The following SLC24A2 variants were observed in gnomAD, a reference collection of about 807,000 sequenced individuals.
SLC24A2 encodes the protein sodium/potassium/calcium exchanger 2.
SLC24A2 carries 36 observed loss-of-function variants against 62.0 expected under a neutral mutation model. The ratio of observed to expected loss-of-function variants is 0.58; its 90% confidence interval spans 0.44 to 0.77. The LOEUF is 0.77. SLC24A2 is among the 30% of genes least tolerant of loss of function. The probability of loss-of-function intolerance (pLI) is 0.00; values close to 1 mark genes in which losing one functional copy is unlikely to be tolerated. For synonymous variants in SLC24A2, 358 were observed against 294.0 expected, an observed-to-expected ratio of 1.22 and a Z score of -2.23; for missense variants, 846 against 817.9, an observed-to-expected ratio of 1.03 and a Z score of -0.42.
the SLC24A2 span, among the ~76,000 whole-genome samples, chr9:20,283,439 C>A: frequency 2.0e-5 from 3 of 152,166 alleles, no homozygotes; most frequent in African/African-American, 7.2e-5. Context: ...TCACTGTCCT[C>A]CTCCAGTCGG....
the SLC24A2 span, among the ~76,000 whole-genome samples, chr9:20,051,657 C>CTCTTTTTTTTT: frequency 1.1e-4 from 8 of 73,512 alleles, no homozygotes; most frequent in South Asian, 4.6e-4. Flanking sequence ...TTTTCTTTCT[C>CTCTTTTTTTTT]TTTTTTTTTT....
At chr9:20,158,674 A>G in the SLC24A2 span, among the ~76,000 whole-genome samples, 3 of 151,816 alleles carry the variant, frequency 2.0e-5, no homozygotes, top group South Asian at 6.2e-4. Flanking sequence ...GTAGGGAAAT[A>G]ACTGAAAGAA....
At chr9:19,756,971 A>ACCATCATTACT (rs941958112) in intron 2 of SLC24A2, among the ~76,000 whole-genome samples, 2 of 136,756 alleles carry the variant, frequency 1.5e-5, no homozygotes, top group African/African-American at 2.8e-5. Context: ...AGTAAGTGGC[A>ACCATCATTACT]CCATCATTAC....
At chr9:20,073,919 G>GATATATATATATAT in the SLC24A2 span, among the ~76,000 whole-genome samples, 22 of 140,792 alleles carry the variant, frequency 1.6e-4, no homozygotes, top group African/African-American at 5.5e-4. Context: ...CTTGTGGGGA[G>GATATATATATATAT]ATATATATAT....
the SLC24A2 span, among the ~76,000 whole-genome samples, chr9:19,921,085 G>GA: frequency 6.7e-6 from 1 of 148,248 alleles, no homozygotes; most frequent in African/African-American, 2.5e-5. Flanking sequence ...TTATGGGGGG[G>GA]GGGTGTTCCA....
At chr9:20,223,534 T>C in the SLC24A2 span, among the ~76,000 whole-genome samples, 1 of 152,118 alleles carries the variant, frequency 6.6e-6, no homozygotes, top group African/African-American at 2.4e-5. Context: ...GAGAAGAAGA[T>C]CTTGAAGAAC....
intron 10 of SLC24A2, among the ~76,000 whole-genome samples, chr9:19,520,307 C>A (rs1362073375): frequency 1.3e-5 from 2 of 151,942 alleles, no homozygotes; most frequent in African/African-American, 2.4e-5. Context: ...CACCTCTCCC[C>A]AGTCTGATTC....
the SLC24A2 span, among the ~76,000 whole-genome samples, chr9:19,867,496 T>C: frequency 1.3e-5 from 2 of 152,230 alleles, no homozygotes; most frequent in African/African-American, 4.8e-5. Context: ...CTTTTTAGTT[T>C]TTTTTCTCTT....
chr9:19,662,262 T>G (rs1160236429), intron 2 of SLC24A2, among the ~76,000 whole-genome samples: 2 of 152,202 alleles, frequency 1.3e-5, no homozygotes, highest in African/African-American at 4.8e-5. Flanking sequence ...TAATGAGATA[T>G]GAGATATTTA....
At chr9:19,836,313 A>G in the SLC24A2 span, among the ~76,000 whole-genome samples, 1 of 152,186 alleles carries the variant, frequency 6.6e-6, no homozygotes, top group Non-Finnish European at 1.5e-5. Flanking sequence ...TAGATCAACA[A>G]AATTGATAGA....
chr9:19,530,250 A>G (rs768936286), intron 8 of SLC24A2, among the ~76,000 whole-genome samples: 2 of 152,062 alleles, frequency 1.3e-5, no homozygotes, highest in Non-Finnish European at 2.9e-5. Flanking sequence ...TGAGGGTTTC[A>G]TCTTCCATGG....
chr9:19,998,968 C>CT, the SLC24A2 span, among the ~76,000 whole-genome samples: 4 of 152,186 alleles, frequency 2.6e-5, no homozygotes, highest in African/African-American at 9.7e-5. Flanking sequence ...CTAGCTGGGG[C>CT]TGCAAGTCTC....
At chr9:20,266,856 T>C in the SLC24A2 span, among the ~76,000 whole-genome samples, 1 of 152,048 alleles carries the variant, frequency 6.6e-6, no homozygotes, top group Non-Finnish European at 1.5e-5. Context: ...GGCAGGAGGA[T>C]CACTTGAGGC....
At chr9:19,653,003 G>T (rs78850884) in intron 2 of SLC24A2, among the ~76,000 whole-genome samples, 214 of 152,134 alleles carry the variant, frequency 1.4e-3, no homozygotes, top group South Asian at 1.7e-3. Flanking sequence ...TTCCCATAGG[G>T]CATCTTACTT....
chr9:19,761,256 A>G (rs1822316750), intron 2 of SLC24A2, among the ~76,000 whole-genome samples: 1 of 151,918 alleles, frequency 6.6e-6, no homozygotes, highest in South Asian at 2.1e-4. Flanking sequence ...CAATGGTTGA[A>G]CTAATTTACA....
the SLC24A2 span, among the ~76,000 whole-genome samples, chr9:20,074,607 A>AGGGAGGG: frequency 1.2e-4 from 8 of 69,134 alleles, no homozygotes; most frequent in Non-Finnish European, 2.2e-4. Context: ...GGAAGGAAAG[A>AGGGAGGG]AGGGAGTGAG....
chr9:20,305,650 G>A, the SLC24A2 span, among the ~76,000 whole-genome samples: 7 of 152,250 alleles, frequency 4.6e-5, no homozygotes, highest in South Asian at 2.1e-4. Flanking sequence ...TTTCACATAC[G>A]TCAGCATATT....
At chr9:19,820,042 C>CATATATATATATATGTGTAT in the SLC24A2 span, among the ~76,000 whole-genome samples, 38 of 32,890 alleles carry the variant, frequency 1.2e-3, 3 homozygotes, top group African/African-American at 2.4e-3. Context: ...TATATATATA[C>CATATATATATATATGTGTAT]ATATATATAT....
intron 2 of SLC24A2, among the ~76,000 whole-genome samples, chr9:19,760,771 T>C (rs1427406094): frequency 1.3e-5 from 2 of 151,934 alleles, no homozygotes; most frequent in East Asian, 1.9e-4. Context: ...CTAACATTGA[T>C]GGGCATTTGG....
Sources: gnomAD v4.1 joint callset for allele counts (sites outside exome capture counted in the v4.1 genomes callset) on GRCh38, gnomAD v4.1.1 for gene constraint, MANE v1.5 for transcripts, NCBI Gene and HGNC (gene_info 2026-07-23, HGNC 2026-07-21) for gene names.